The following FOCAD variants were observed in gnomAD, a reference collection of about 807,000 sequenced individuals.
FOCAD encodes the protein focadhesin, also known as KIAA1797.
In FOCAD, 198 loss-of-function variants were observed where a neutral mutation model predicts 225.6. That is an observed-to-expected ratio of 0.88 (90% CI 0.78 to 0.99). The LOEUF (loss-of-function observed/expected upper bound fraction) is 0.99, where lower values mean the gene tolerates loss of function less well. Ranked by LOEUF, FOCAD falls within the 50% of genes least tolerant of loss-of-function variation. The pLI is 0.00. For synonymous variants in FOCAD, 897 were observed against 755.0 expected, an observed-to-expected ratio of 1.19 and a Z score of -3.08; for missense variants, 2,713 against 2,123.6, an observed-to-expected ratio of 1.28 and a Z score of -5.46.
intron 22 of FOCAD, among the ~76,000 whole-genome samples, chr9:20,908,959 C>G (rs1426159455): frequency 1.3e-5 from 2 of 152,008 alleles, no homozygotes; most frequent in African/African-American, 4.8e-5. Flanking sequence ...ACTAGCAATT[C>G]CAGTACAGTA....
intron 26 of FOCAD, chr9:20,929,146 A>G (rs1835228994): frequency 3.9e-6 from 2 of 510,180 alleles, no homozygotes; most frequent in African/African-American, 3.9e-5. Context: ...ATTTAAAAGG[A>G]TATTATTAAT....
chr9:20,727,298 A>C (rs1415200946), intron 4 of FOCAD, among the ~76,000 whole-genome samples: 4 of 151,966 alleles, frequency 2.6e-5, no homozygotes, highest in Admixed American at 2.6e-4. Flanking sequence ...TTTTTAAGTT[A>C]GTTGATCTGG....
intron 5 of FOCAD, 86 bp downstream of exon 5, chr9:20,740,426 A>C: frequency 1.3e-6 from 1 of 792,466 alleles, no homozygotes; most frequent in South Asian, 1.8e-5. Context: ...AGTAAGAATT[A>C]GTTATTTAAT....
At chr9:20,947,068 C>G (rs936602138) in intron 30 of FOCAD, among the ~76,000 whole-genome samples, 3 of 152,130 alleles carry the variant, frequency 2.0e-5, no homozygotes, top group African/African-American at 7.2e-5. Flanking sequence ...TTTTCTCTCT[C>G]TCTCTCTGAC....
intron 35 of FOCAD, among the ~76,000 whole-genome samples, chr9:20,967,228 T>A (rs542149330): frequency 6.7e-4 from 102 of 152,136 alleles, no homozygotes; most frequent in Admixed American, 5.9e-4. Flanking sequence ...GGTGTATAAG[T>A]CTTTACCCTT....
At chr9:20,816,127 T>G (rs1823703805) in intron 11 of FOCAD, among the ~76,000 whole-genome samples, 1 of 152,158 alleles carries the variant, frequency 6.6e-6, no homozygotes, top group Non-Finnish European at 1.5e-5. Context: ...TAGGGCCAAG[T>G]CTCATAAAGG....
chr9:20,924,618 CT>C (rs1834768865), intron 25 of FOCAD, among the ~76,000 whole-genome samples: 1 of 152,096 alleles, frequency 6.6e-6, no homozygotes, highest in Admixed American at 6.6e-5. Flanking sequence ...CAATGAGTAT[CT>C]TATGGGCTAT....
At chr9:20,923,435 C>T (rs1297440034) in intron 24 of FOCAD, among the ~76,000 whole-genome samples, 1 of 152,082 alleles carries the variant, frequency 6.6e-6, no homozygotes, top group Non-Finnish European at 1.5e-5. Flanking sequence ...TATGAAAAGG[C>T]ATAATGACCC....
At chr9:20,916,560 A>G (rs1292657601) in intron 23 of FOCAD, among the ~76,000 whole-genome samples, 1 of 152,208 alleles carries the variant, frequency 6.6e-6, no homozygotes, top group East Asian at 1.9e-4. Flanking sequence ...GGGTATGCAA[A>G]CATTCAGTCC....
At chr9:20,741,996 A>G (rs750224694) in intron 5 of FOCAD, among the ~76,000 whole-genome samples, 8 of 152,186 alleles carry the variant, frequency 5.3e-5, no homozygotes, top group Non-Finnish European at 1.0e-4. Context: ...TGACCCATTT[A>G]AAATGTATGA....
chr9:20,852,139 C>T (rs1028175139), intron 15 of FOCAD, among the ~76,000 whole-genome samples: 2 of 151,730 alleles, frequency 1.3e-5, no homozygotes, highest in East Asian at 1.9e-4. Flanking sequence ...CTTGTTTATC[C>T]TTGTTTAAAC....
chr9:20,902,122 T>C (rs1050333058), intron 21 of FOCAD, among the ~76,000 whole-genome samples: 1 of 151,918 alleles, frequency 6.6e-6, no homozygotes, highest in African/African-American at 2.4e-5. Context: ...AACACTTATG[T>C]GCAAGACACT....
intron 21 of FOCAD, among the ~76,000 whole-genome samples, chr9:20,898,234 C>T (rs12236288): frequency 0.62 from 94,584 of 151,512 alleles, 29,815 homozygotes; most frequent in African/African-American, 0.7. Flanking sequence ...TTTATCCTAC[C>T]TGGTGTTGTC....
At chr9:20,756,666 A>T (rs1337152342) in intron 5 of FOCAD, among the ~76,000 whole-genome samples, 1 of 152,144 alleles carries the variant, frequency 6.6e-6, no homozygotes, top group Non-Finnish European at 1.5e-5. Context: ...AGGGCTATTT[A>T]TTAGGTCTGG....
intron 2 of FOCAD, among the ~76,000 whole-genome samples, chr9:20,662,960 G>A (rs953256362): frequency 6.6e-6 from 1 of 152,208 alleles, no homozygotes; most frequent in African/African-American, 2.4e-5. Flanking sequence ...TGAGTCTAAT[G>A]TATTTCAATA....
intron 39 of FOCAD, among the ~76,000 whole-genome samples, chr9:20,985,615 C>G (rs1304349086): frequency 1.3e-5 from 2 of 152,170 alleles, no homozygotes; most frequent in African/African-American, 2.4e-5. Flanking sequence ...ACAGCCTAAT[C>G]TTACACGTGT....
intron 10 of FOCAD, among the ~76,000 whole-genome samples, chr9:20,782,385 C>T (rs1000190486): frequency 4.1e-4 from 63 of 152,220 alleles, no homozygotes; most frequent in Middle Eastern, 3.4e-3. Context: ...CACCTCTTGC[C>T]GTGTTCCCTG....
chr9:20,789,622 A>C lies in FOCAD; in HGVS notation c.1455+14A>C. The C allele has an allele frequency of 6.2e-7, 1 of 1,613,008 alleles. No individual in the cohort carries two copies. Among genetic ancestry groups the C allele is most frequent in the Non-Finnish European group, 8.5e-7 (1 of 1,179,148 alleles). ...GATTCCTCCCAGGTAAAGCAAGAGA[A>C]TAATGGAACAATAATGAGAGGAAAG... On this transcript the variant is annotated intron_variant, in intron 11 of 43. Coordinates refer to ENST00000338382, the MANE Select transcript of FOCAD (RefSeq NM_001375567.1).
In FOCAD at chr9:20,764,915, C is replaced by T. The variant is rs758363585; in HGVS notation, c.541C>T (p.Leu181=). 6.2e-7 allele frequency: 1 copy of T among 1,614,084 alleles called. No individual in the cohort carries two copies. Among genetic ancestry groups the T allele is most frequent in the Non-Finnish European group, 8.5e-7 (1 of 1,180,010 alleles). ...AATAATGGCACCATTTCTGTGGTAT[C>T]TGTATTGTGAACCATCTCAGTTACA... ...IQIMAPFLWY[L]YCEPSQLQEY... The change falls in exon 7 of 44, where the codon CTG becomes TTG. Residue 181 remains leucine (L), a synonymous_variant. Coordinates refer to ENST00000338382, the MANE Select transcript of FOCAD (RefSeq NM_001375567.1).
Sources: allele counts gnomAD v4.1 joint callset (sites outside exome capture counted in the v4.1 genomes callset), GRCh38; gene constraint gnomAD v4.1.1; transcripts MANE v1.5; gene names NCBI Gene and HGNC (gene_info 2026-07-23, HGNC 2026-07-21).